STRN: variants seen among roughly 807,000 people sequenced by gnomAD.
STRN encodes the protein striatin, also known as protein phosphatase 2 regulatory subunit B'''alpha.
A neutral mutation model predicts 96.3 loss-of-function variants in STRN; 53 were observed. That is an observed-to-expected ratio of 0.55 (90% CI 0.44 to 0.69). The LOEUF (loss-of-function observed/expected upper bound fraction) is 0.69. STRN is among the 30% of genes least tolerant of loss of function. The pLI is 0.00. For missense variants in STRN, 987 were observed against 963.9 expected (o/e 1.02, Z -0.32); for synonymous variants, 428 against 355.9 (o/e 1.20, Z -2.28).
rs755020273 is a variant in STRN, at chr2:36,939,039, G to A, written c.235-13831C>T. On this transcript the variant is annotated intron_variant, in intron 1 of 17. Coordinates refer to ENST00000263918, the MANE Select transcript of STRN (RefSeq NM_003162.4). ...TCTTGCTCTGTCGCCAGGCTGGAGT[G>A]CAGTGGTGCGAGCTCGGCTCACTGC... Among the ~76,000 whole-genome samples, 179 of 151,832 alleles carry A rather than the reference G, an allele frequency of 1.2e-3. 1 individual carries two copies. The highest frequency in any genetic ancestry group is 5.1e-4 in the Non-Finnish European group (35 of 67,976).
At chr2:36,887,943 T>C (rs1669283364) in intron 7 of STRN, among the ~76,000 whole-genome samples, 2 of 152,202 alleles carry the variant, frequency 1.3e-5, no homozygotes, top group South Asian at 2.1e-4. Context: ...ATCCAACTGT[T>C]CATTCTACAT....
rs141100479 is a variant in STRN at position 36,915,460 on chromosome 2, T to C, written c.412+618A>G. On this transcript the variant is annotated intron_variant, in intron 3 of 17. Coordinates refer to ENST00000263918, the MANE Select transcript of STRN (RefSeq NM_003162.4). ...CCTACTAATAAGTGAATTATATCTA[T>C]ATTTCTTAATATCTGATTTACAAGT... is the stretch of plus-strand genomic sequence containing the variant. 3.0e-3 allele frequency among the ~76,000 whole-genome samples: 460 copies of C among 151,794 alleles called. 2 individuals are homozygous for C. Among genetic ancestry groups the C allele is most frequent in the South Asian group, 4.6e-3 (22 of 4,820 alleles).
At chr2:36,858,160 T>A (rs1425643949) in intron 13 of STRN, 137 bp from the exon 14 acceptor site, 2 of 585,262 alleles carry the variant, frequency 3.4e-6, no homozygotes, top group African/African-American at 3.8e-5. Flanking sequence ...ATTATTCTTC[T>A]GACAGGCTAC....
Position 36,851,019 on chromosome 2 carries a change from T to C in STRN, c.2067A>G (p.Lys689=). 1 of 1,611,228 alleles carries C rather than the reference T, an allele frequency of 6.2e-7. No individual in the cohort carries two copies. Among genetic ancestry groups the C allele is most frequent in the South Asian group, 1.1e-5 (1 of 90,756 alleles). ...TCTTACCTGTATTGTTATCATAGAATTTGATGTGCCTGTCTTCATGAGCAG... is the reference window on the plus strand; with the variant it reads ...TCTTACCTGTATTGTTATCATAGAACTTGATGTGCCTGTCTTCATGAGCAG... The part of the protein sequence containing the change: ...SITAHEDRHI[K]FYDNNTGKLI... Residue 689 remains lysine (K), a synonymous_variant, in exon 16 of 18, where the codon AAA becomes AAG. Coordinates refer to ENST00000263918, the MANE Select transcript of STRN (RefSeq NM_003162.4).
In STRN at chr2:36,882,199, GA is replaced by G. The variant is rs574876628; in HGVS notation, c.1186+1732del. On this transcript the variant is annotated intron_variant, in intron 9 of 17. Coordinates refer to ENST00000263918, the MANE Select transcript of STRN (RefSeq NM_003162.4). ...AATGTAATTTATTAAAAAAAAACAA[GA>G]AAAAAACATATGATTATGCTGTGGC... 2.5e-3 allele frequency among the ~76,000 whole-genome samples: 372 copies of G among 151,198 alleles called. 1 individual carries two copies. Among genetic ancestry groups the G allele is most frequent in the African/African-American group, 7.8e-3 (323 of 41,166 alleles).
chr2:36,867,662 G>A lies in STRN; in HGVS notation c.1547+152C>T, dbSNP rs1011255402. On this transcript the variant is annotated intron_variant, in intron 12 of 17. Transcript: ENST00000263918. ...TCCCTACTTGGCAATGATGAACTTC[G>A]TTTTAGCATTATATTATCTGTCAAA... 4.3e-5 allele frequency: 19 copies of A among 437,758 alleles called. No homozygotes were observed. In the South Asian group the frequency reaches 8.9e-4, roughly 21 times the overall value. The allele number at this position is 437,758 out of a possible 1,614,324, so 27.1% of individuals were successfully genotyped here.
chr2:36,850,963 T>G (rs751558496), intron 16 of STRN, 37 bp downstream of exon 16: 2 of 1,531,448 alleles, frequency 1.3e-6, no homozygotes, highest in African/African-American at 2.8e-5. Context: ...TTTTTTTTTT[T>G]TGCTTTAATA....
At chr2:36,958,097 T>C (rs1664940498) in intron 1 of STRN, among the ~76,000 whole-genome samples, 1 of 151,866 alleles carries the variant, frequency 6.6e-6, no homozygotes, top group African/African-American at 2.4e-5. Flanking sequence ...TTTTTATATT[T>C]TTAGTAGAGA....
chr2:36,876,309 A>G (rs1048910377), intron 10 of STRN, among the ~76,000 whole-genome samples: 4 of 151,504 alleles, frequency 2.6e-5, no homozygotes, highest in Admixed American at 6.6e-5. Flanking sequence ...AATCTGTATC[A>G]TATTTGTGGA....
chr2:36,918,181 T>C (rs1301742919), intron 2 of STRN, among the ~76,000 whole-genome samples: 2 of 152,188 alleles, frequency 1.3e-5, no homozygotes, highest in Non-Finnish European at 2.9e-5. Flanking sequence ...GACGAAATGT[T>C]TGCCCATCTA....
At chr2:36,951,004 AAGG>A (rs1331284714) in intron 1 of STRN, among the ~76,000 whole-genome samples, 2 of 152,178 alleles carry the variant, frequency 1.3e-5, no homozygotes, top group African/African-American at 4.8e-5. Context: ...AAAATCAGAA[AAGG>A]AGAATGCAAA....
chr2:36,862,183 G>A (rs1448347776), intron 12 of STRN, among the ~76,000 whole-genome samples: 3 of 152,070 alleles, frequency 2.0e-5, no homozygotes, highest in African/African-American at 7.2e-5. Flanking sequence ...GGCATTTAGG[G>A]TGACTCCATG....
chr2:36,895,801 G>C (rs1669525992), intron 6 of STRN, among the ~76,000 whole-genome samples: 6 of 151,372 alleles, frequency 4.0e-5, no homozygotes, highest in Admixed American at 4.0e-4. Context: ...GTGGGCACCT[G>C]TAGTCCCAGC....
intron 7 of STRN, among the ~76,000 whole-genome samples, chr2:36,887,470 C>CAA (rs545194297): frequency 6.8e-6 from 1 of 146,244 alleles, no homozygotes; most frequent in Non-Finnish European, 1.5e-5. Context: ...AACTCTGTCT[C>CAA]AAAAAAAAAC....
chr2:36,870,866 C>T (rs982709442), intron 10 of STRN, among the ~76,000 whole-genome samples: 2 of 152,132 alleles, frequency 1.3e-5, no homozygotes, highest in Non-Finnish European at 2.9e-5. Context: ...TGAAGACCTT[C>T]TAGTGGGACA....
At chr2:36,929,213 G>A (rs527871986) in intron 1 of STRN, among the ~76,000 whole-genome samples, 2 of 152,156 alleles carry the variant, frequency 1.3e-5, no homozygotes, top group African/African-American at 2.4e-5. Context: ...ATTTAAGTCT[G>A]CATGACAAAA....
chr2:36,870,243 C>T (rs1668728583), intron 10 of STRN, among the ~76,000 whole-genome samples: 1 of 36,508 alleles, frequency 2.7e-5, no homozygotes, highest in Non-Finnish European at 1.2e-4. Flanking sequence ...GAATGCATTC[C>T]ACTGGTAAAA....
intron 8 of STRN, among the ~76,000 whole-genome samples, chr2:36,885,071 G>A (rs754126371): frequency 1.3e-5 from 2 of 152,034 alleles, no homozygotes; most frequent in Non-Finnish European, 2.9e-5. Flanking sequence ...AAAACCATGT[G>A]CTAGATGTCT....
At chr2:36,936,446 G>A (rs374514886) in intron 1 of STRN, among the ~76,000 whole-genome samples, 84 of 152,244 alleles carry the variant, frequency 5.5e-4, no homozygotes, top group South Asian at 3.1e-3. Context: ...TATGGAACAC[G>A]ATTTATATTC....
Sources: gnomAD v4.1 joint callset for allele counts (sites outside exome capture counted in the v4.1 genomes callset) on GRCh38, gnomAD v4.1.1 for gene constraint, MANE v1.5 for transcripts, NCBI Gene and HGNC (gene_info 2026-07-23, HGNC 2026-07-21) for gene names.